The following CRYBG1 variants were observed in gnomAD, a reference collection of about 807,000 sequenced individuals.
CRYBG1 encodes the protein beta/gamma crystallin domain-containing protein 1.
CRYBG1 carries 139 observed loss-of-function variants against 189.2 expected under a neutral mutation model. That is an observed-to-expected ratio of 0.73 (90% confidence interval 0.64 to 0.85). The LOEUF (loss-of-function observed/expected upper bound fraction) is 0.85. Ranked by LOEUF, CRYBG1 falls within the 40% of genes least tolerant of loss-of-function variation. CRYBG1 has a pLI of 0.00. For missense variants in CRYBG1, 2,611 were observed against 2,675.8 expected, an observed-to-expected ratio of 0.98 and a Z score of 0.53; for synonymous variants, 1,023 against 1,017.1, an observed-to-expected ratio of 1.01 and a Z score of -0.11.
intron 2 of CRYBG1, among the ~76,000 whole-genome samples, chr6:106,503,575 C>T (rs1013218797): frequency 2.0e-5 from 3 of 152,232 alleles, no homozygotes; most frequent in African/African-American, 7.2e-5. Flanking sequence ...TTCGATTCTA[C>T]AGGCCACAGG....
intron 1 of CRYBG1, among the ~76,000 whole-genome samples, chr6:106,448,698 A>G (rs1309300010): frequency 1.3e-5 from 2 of 152,274 alleles, no homozygotes; most frequent in Admixed American, 1.3e-4. Flanking sequence ...TAGGGAGAGG[A>G]TAGAATGCAC....
chr6:106,431,861 C>T (rs9372127), intron 1 of CRYBG1, among the ~76,000 whole-genome samples: 25,045 of 151,760 alleles, frequency 0.17, 2,169 homozygotes, highest in African/African-American at 0.21. Flanking sequence ...TCATATGGGC[C>T]CACTCTAGCT....
chr6:106,530,266 G>A lies in CRYBG1; in HGVS notation c.4669G>A (p.Gly1557Arg). The A allele has an allele frequency of 1.2e-6, 2 of 1,613,722 alleles. No homozygotes were observed. The highest frequency in any genetic ancestry group is 1.7e-6 in the Non-Finnish European group (2 of 1,179,844). Reference protein sequence around the residue: ...SYFDDTEEMQGFGVMQKTCSM... With the variant: ...SYFDDTEEMQRFGVMQKTCSM... The stretch of plus-strand genomic sequence containing the variant: ...CTTTGATGATACTGAAGAAATGCAG[G>A]GATTTGGTGTAATGCAGAAGACTTG... Residue 1557 changes from glycine to arginine, a missense_variant, in exon 8 of 22, where the codon GGA becomes AGA. Gly to Arg is a moderately radical substitution (Grantham distance 125). This residue lies in a region of CRYBG1 where 1,622 missense variants were observed against 1,735.0 expected (regional missense o/e 0.93). Coordinates refer to ENST00000633556, the MANE Select transcript of CRYBG1 (RefSeq NM_001371242.2).
chr6:106,463,849 T>A (rs1772061845), intron 2 of CRYBG1, among the ~76,000 whole-genome samples: 1 of 152,224 alleles, frequency 6.6e-6, no homozygotes, highest in Admixed American at 6.5e-5. Flanking sequence ...GAAGCTTTAG[T>A]CAAATACCAG....
At chr6:106,545,187 C>T (rs1774241424) in intron 13 of CRYBG1, among the ~76,000 whole-genome samples, 1 of 152,098 alleles carries the variant, frequency 6.6e-6, no homozygotes, top group African/African-American at 2.4e-5. Context: ...ATCTGTTTCC[C>T]TTGTCATTCT....
chr6:106,436,114 GA>G (rs569448935), intron 1 of CRYBG1, among the ~76,000 whole-genome samples: 64 of 152,070 alleles, frequency 4.2e-4, no homozygotes, highest in Non-Finnish European at 8.5e-4. Flanking sequence ...AACCTATTAG[GA>G]GTTTTAAAAC....
At chr6:106,514,324 TAAC>T (rs767091090) in intron 3 of CRYBG1, among the ~76,000 whole-genome samples, 2 of 152,340 alleles carry the variant, frequency 1.3e-5, no homozygotes, top group African/African-American at 2.4e-5. Context: ...GTGGGTATTT[TAAC>T]AACATTATCA....
Position 106,568,805 on chromosome 6 carries a change from T to C in CRYBG1, c.*239T>C. Reference sequence around the variant, plus strand: ...TTTCTTGCCTTTCATTTTTGGTAGCTGCTTAAACAGGTTGCCTAATTAGCA... The same window carrying C: ...TTTCTTGCCTTTCATTTTTGGTAGCCGCTTAAACAGGTTGCCTAATTAGCA... On this transcript the variant is annotated 3_prime_UTR_variant, in exon 22 of 22. Transcript: ENST00000633556. The C allele has an allele frequency of 2.5e-6, 1 of 407,144 alleles. No individual in the cohort carries two copies. The highest frequency in any genetic ancestry group is 5.7e-5 in the South Asian group (1 of 17,694). 25.2% of individuals were successfully genotyped at this position (407,144 alleles called of 1,614,324 possible).
chr6:106,472,073 A>T (rs540235184), intron 2 of CRYBG1, among the ~76,000 whole-genome samples: 90 of 152,320 alleles, frequency 5.9e-4, no homozygotes, highest in African/African-American at 2.0e-3. Context: ...TTGCAGAGAG[A>T]AAAATATCAC....
intron 21 of CRYBG1, among the ~76,000 whole-genome samples, chr6:106,567,235 C>CTG (rs10647394): frequency 0.17 from 25,162 of 152,022 alleles, 2,602 homozygotes; most frequent in African/African-American, 0.29. Flanking sequence ...GTGGAGTATG[C>CTG]TGTGTGTCTC....
At chr6:106,542,178 T>C (rs924525056) in intron 10 of CRYBG1, among the ~76,000 whole-genome samples, 9 of 149,736 alleles carry the variant, frequency 6.0e-5, no homozygotes, top group Non-Finnish European at 1.5e-5. Context: ...TAAATTATTT[T>C]AAAACTGTTT....
chr6:106,479,472 C>T (rs9386552), intron 2 of CRYBG1, among the ~76,000 whole-genome samples: 32,159 of 151,984 alleles, frequency 0.21, 4,517 homozygotes, highest in African/African-American at 0.38. Context: ...GATCGTATGG[C>T]AATTCTACAT....
intron 7 of CRYBG1, among the ~76,000 whole-genome samples, chr6:106,528,318 A>G (rs1055722093): frequency 1.2e-4 from 18 of 152,306 alleles, no homozygotes; most frequent in African/African-American, 4.1e-4. Flanking sequence ...CTATTTCAAA[A>G]TGTCCTCATT....
At position 106,499,157 on chromosome 6, in the gene CRYBG1, T is replaced by C. The variant is rs1242937827; in HGVS notation, c.313-12273T>C. On this transcript the variant is annotated intron_variant, in intron 2 of 21. Coordinates refer to ENST00000633556, the MANE Select transcript of CRYBG1 (RefSeq NM_001371242.2). ...TTTTGTTTGTTTGTTTGTTTGTTTGTTTTTTGCTTTTTTGAGACGGAGTCT... is the reference window on the plus strand; with the variant it reads ...TTTTGTTTGTTTGTTTGTTTGTTTGCTTTTTGCTTTTTTGAGACGGAGTCT... Among the ~76,000 whole-genome samples, 5 of 117,794 alleles carry C rather than the reference T, an allele frequency of 4.2e-5. 1 individual carries two copies. The highest frequency in any genetic ancestry group is 7.2e-5 in the African/African-American group (2 of 27,600). 77.3% of individuals were successfully genotyped at this position (117,794 alleles called of 152,430 possible).
chr6:106,415,788 A>G (rs1771010802), intron 1 of CRYBG1, among the ~76,000 whole-genome samples: 1 of 152,036 alleles, frequency 6.6e-6, no homozygotes, highest in Non-Finnish European at 1.5e-5. Context: ...TGACCTGAAC[A>G]TATGACAGGC....
chr6:106,553,666 A>G, intron 16 of CRYBG1, 99 bp downstream of exon 16: 1 of 797,952 alleles, frequency 1.3e-6, no homozygotes, highest in Non-Finnish European at 2.1e-6. Flanking sequence ...GCTTGGCACT[A>G]TGCGAAACCA....
In CRYBG1 at chr6:106,378,701, G is replaced by A. The variant is rs115087196; in HGVS notation, c.173+17620G>A. On this transcript the variant is annotated intron_variant, in intron 1 of 21. Transcript: ENST00000633556. ...CTGTATCTTCAGAATTTTAGCTAAT[G>A]CCTCTTCCACTGTAGCTCCACAAGT... Among the ~76,000 whole-genome samples the A allele has an allele frequency of 9.2e-3, 1,396 of 152,338 alleles. 21 individuals are homozygous for A. Among genetic ancestry groups the A allele is most frequent in the African/African-American group, 0.032 (1,324 of 41,578 alleles).
chr6:106,382,149 C>T (rs1770300778), intron 1 of CRYBG1, among the ~76,000 whole-genome samples: 1 of 152,112 alleles, frequency 6.6e-6, no homozygotes, highest in South Asian at 2.1e-4. Context: ...GGGAGGCCAG[C>T]CATGGGCATT....
At chr6:106,534,657 G>T (rs898895) in intron 8 of CRYBG1, among the ~76,000 whole-genome samples, 69,025 of 152,036 alleles carry the variant, frequency 0.45, 16,250 homozygotes, top group South Asian at 0.52. Flanking sequence ...TTACTTGTCT[G>T]GTCAAATTCT....
Sources: allele counts gnomAD v4.1 joint callset (sites outside exome capture counted in the v4.1 genomes callset), GRCh38; gene constraint gnomAD v4.1.1; regional missense constraint gnomAD v4.1.1; transcripts MANE v1.5; gene names NCBI Gene and HGNC (gene_info 2026-07-23, HGNC 2026-07-21).